The following ACOX3 variants were observed in gnomAD, a reference collection of about 807,000 sequenced individuals.
ACOX3 encodes the protein acyl-CoA oxidase 3, pristanoyl.
In ACOX3, 73 loss-of-function variants were observed where a neutral mutation model predicts 81.5. The ratio of observed to expected loss-of-function variants is 0.90; its 90% CI spans 0.74 to 1.09. The LOEUF is 1.09. Among genes scored for constraint, ACOX3 ranks in the 50% least tolerant of loss-of-function variants. The pLI is 0.00. For missense variants in ACOX3, 947 were observed against 928.0 expected (o/e 1.02, Z -0.27); for synonymous variants, 387 against 375.1 (o/e 1.03, Z -0.37).
chr4:8,415,901 T>C lies in ACOX3; in HGVS notation c.243A>G (p.Arg81=). ...LEKYRELNFL[R]CKRIFEYDFL... ...AGTCATACTCGAAGATCCGCTTGCA[T>C]CGAAGGAAGTTCAGCTCGCGATACT... Residue 81 remains arginine (R), a synonymous_variant, in exon 3 of 18, where the codon CGA becomes CGG. Transcript: ENST00000356406. 8 of 1,614,204 alleles carry C rather than the reference T, an allele frequency of 5.0e-6. No individual in the cohort carries two copies. Among genetic ancestry groups the C allele is most frequent in the Non-Finnish European group, 6.8e-6 (8 of 1,180,042 alleles).
At position 8,410,275 on chromosome 4, in the gene ACOX3, C is replaced by T. The variant is rs1404287190; in HGVS notation, c.624G>A (p.Val208=). 1 of 1,614,138 alleles carries T rather than the reference C, an allele frequency of 6.2e-7. No homozygotes were observed. The highest frequency in any genetic ancestry group is 2.2e-5 in the East Asian group (1 of 44,884). The part of the protein sequence containing the change: ...GNMGKTATHA[V]VFAKLCVPGD... ...CTGGCACACACAGCTTAGCAAACAC[C>T]ACCGCGTGAGTGGCTGTCTTGCCCA... Residue 208 remains valine (V), a synonymous_variant, in exon 6 of 18, where the codon GTG becomes GTA. Coordinates refer to ENST00000356406, the MANE Select transcript of ACOX3 (RefSeq NM_003501.3).
intron 5 of ACOX3, among the ~76,000 whole-genome samples, chr4:8,412,292 G>A (rs891725307): frequency 2.6e-5 from 4 of 152,390 alleles, no homozygotes; most frequent in African/African-American, 7.2e-5. Flanking sequence ...CACCCTGTGC[G>A]AGGACCACCT....
chr4:8,417,059 G>A (rs1722419250), intron 1 of ACOX3, among the ~76,000 whole-genome samples: 1 of 152,238 alleles, frequency 6.6e-6, no homozygotes, highest in South Asian at 2.1e-4. Context: ...ACAGGCTTCT[G>A]CACTGGCTTC....
the ACOX3 span, chr4:8,357,690 T>G: frequency 3.9e-6 from 1 of 253,794 alleles, no homozygotes; most frequent in Non-Finnish European, 7.7e-6. Context: ...CTCAACCTAC[T>G]CCACTCTTGC....
chr4:8,378,290 G>A (rs986926068), intron 14 of ACOX3, among the ~76,000 whole-genome samples: 3 of 152,230 alleles, frequency 2.0e-5, no homozygotes, highest in Non-Finnish European at 2.9e-5. Context: ...GCCCCGGCAC[G>A]GGCGAGCTGG....
chr4:8,437,090 AAT>A lies in ACOX3; in HGVS notation c.-15+3556_-15+3557del, dbSNP rs960271004. Among the ~76,000 whole-genome samples the A allele has an allele frequency of 7.7e-6, 1 of 130,376 alleles. No individual in the cohort carries two copies. Among genetic ancestry groups the A allele is most frequent in the Non-Finnish European group, 1.6e-5 (1 of 63,516 alleles). The allele number at this position is 130,376 out of a possible 152,430, so 85.5% of individuals were successfully genotyped here. A position where few individuals can be genotyped will look rare whatever the true frequency, so the allele number is the denominator to read the frequency against. On this transcript the variant is annotated intron_variant, in intron 1 of 17. Coordinates refer to ENST00000356406, the MANE Select transcript of ACOX3 (RefSeq NM_003501.3). This position sits in a 1 kb window ranked among gnomAD's most constrained non-coding sequence, Gnocchi z 5.2. ...AAATATATAGAAATATATACACGTA[AAT>A]ATATATATTTACATATATATGTAAA...
chr4:8,436,885 G>A (rs1416060683), intron 1 of ACOX3, among the ~76,000 whole-genome samples: 7 of 148,378 alleles, frequency 4.7e-5, no homozygotes, highest in South Asian at 4.2e-4. Flanking sequence ...CCAGCTACTC[G>A]GGAGGCTGAG....
intron 1 of ACOX3, among the ~76,000 whole-genome samples, chr4:8,434,527 G>A (rs1212634734): frequency 6.6e-6 from 1 of 152,252 alleles, no homozygotes; most frequent in African/African-American, 2.4e-5. Context: ...CTCCCGGGTA[G>A]GCATTTGCCC....
intron 9 of ACOX3, among the ~76,000 whole-genome samples, chr4:8,396,672 C>T (rs918999425): frequency 1.5e-4 from 21 of 141,320 alleles, no homozygotes; most frequent in African/African-American, 4.8e-4. Flanking sequence ...AGCAAGGCTC[C>T]GTCTGGGAAA....
chr4:8,364,784 G>A (rs905727800), downstream of ACOX3, among the ~76,000 whole-genome samples: 1 of 152,220 alleles, frequency 6.6e-6, no homozygotes, highest in African/African-American at 2.4e-5. The surrounding 1 kb of genome is among the most constrained non-coding windows in gnomAD (Gnocchi z 5.0). Context: ...ACCAAAGGCT[G>A]GACGAGACCA....
chr4:8,385,337 C>T lies in ACOX3; in HGVS notation c.1538-3730G>A, dbSNP rs1184058096. 1.3e-5 allele frequency among the ~76,000 whole-genome samples: 2 copies of T among 152,144 alleles called. No individual in the cohort carries two copies. The highest frequency in any genetic ancestry group is 2.9e-5 in the Non-Finnish European group (2 of 68,028). ...GCTCACCTGTGACCTCACTGCTCAC[C>T]TCACATGACCTCACTGTGCACTCCA... On this transcript the variant is annotated intron_variant, in intron 13 of 17. Coordinates refer to ENST00000356406, the MANE Select transcript of ACOX3 (RefSeq NM_003501.3). The surrounding 1 kb of genome is among the most constrained non-coding windows in gnomAD (Gnocchi z 5.5).
intron 11 of ACOX3, among the ~76,000 whole-genome samples, chr4:8,390,974 C>T (rs1386976671): frequency 1.3e-5 from 2 of 150,724 alleles, no homozygotes; most frequent in African/African-American, 2.4e-5. Flanking sequence ...GATGGAGCCT[C>T]GGTCATATTG....
At chr4:8,425,412 A>G (rs1479708450) in intron 1 of ACOX3, among the ~76,000 whole-genome samples, 3 of 152,186 alleles carry the variant, frequency 2.0e-5, no homozygotes, top group Non-Finnish European at 4.4e-5. Flanking sequence ...AAGGAAAAAT[A>G]CTTTTGCCTG....
chr4:8,373,387 G>A (rs1716487474), intron 16 of ACOX3, among the ~76,000 whole-genome samples, 174 bp downstream of exon 16: 1 of 150,812 alleles, frequency 6.6e-6, no homozygotes, highest in South Asian at 2.1e-4. Context: ...GGGGGTGCGT[G>A]TCGGTCTGGG....
Position 8,396,964 on chromosome 4 carries a change from T to TTCC in ACOX3, c.1026_1028dup (p.Glu343dup). ...GCATTGGATACTCAAGCACTGGTAT[T>TTCC]TCCTCCTCCTCTGTGGGTCCAAACT... On this transcript the variant is annotated inframe_insertion, in exon 9 of 18. Transcript: ENST00000356406. 1 of 1,611,884 alleles carries TTCC rather than the reference T, an allele frequency of 6.2e-7. No homozygotes were observed. The highest frequency in any genetic ancestry group is 8.5e-7 in the Non-Finnish European group (1 of 1,179,302).
chr4:8,402,945 C>T (rs1720530387), intron 7 of ACOX3, among the ~76,000 whole-genome samples: 2 of 152,212 alleles, frequency 1.3e-5, no homozygotes, highest in African/African-American at 4.8e-5. Flanking sequence ...CCAGCCAAGC[C>T]GCCAGAGCAG....
chr4:8,396,083 GC>G (rs1423505512), intron 9 of ACOX3, among the ~76,000 whole-genome samples: 2 of 152,230 alleles, frequency 1.3e-5, no homozygotes, highest in Non-Finnish European at 2.9e-5. Context: ...CAATGTCTGT[GC>G]TTTTCCACGC....
At chr4:8,438,925 C>T (rs774741186) in intron 1 of ACOX3, 4 of 152,166 alleles carry the variant, frequency 2.6e-5, no homozygotes, top group Admixed American at 6.5e-5. Flanking sequence ...CTGGTCACTC[C>T]GGAGGCTGAC....
At chr4:8,433,102 C>A (rs1224805623) in intron 1 of ACOX3, among the ~76,000 whole-genome samples, 1 of 152,246 alleles carries the variant, frequency 6.6e-6, no homozygotes, top group African/African-American at 2.4e-5. Context: ...TGACCTAAGC[C>A]TGGATATCTC....
Sources: gnomAD v4.1 joint callset for allele counts (sites outside exome capture counted in the v4.1 genomes callset) on GRCh38, gnomAD v4.1.1 for gene constraint, Gnocchi (gnomAD v3.1) non-coding constraint, MANE v1.5 for transcripts, NCBI Gene and HGNC (gene_info 2026-07-23, HGNC 2026-07-21) for gene names.